GRAMD1B: variants seen among roughly 807,000 people sequenced by gnomAD.
GRAMD1B encodes GRAM domain containing 1B.
A neutral mutation model predicts 99.7 loss-of-function variants in GRAMD1B; 37 were observed. The observed-to-expected ratio is 0.37, with a 90% CI of 0.29 to 0.49. The LOEUF (loss-of-function observed/expected upper bound fraction) is 0.49, where lower values mean the gene tolerates loss of function less well. Ranked by LOEUF, GRAMD1B falls within the 20% of genes least tolerant of loss-of-function variation. GRAMD1B has a pLI of 0.98. For synonymous variants in GRAMD1B, 427 were observed against 387.6 expected, an observed-to-expected ratio of 1.10 and a Z score of -1.19; for missense variants, 888 against 1,009.2, an observed-to-expected ratio of 0.88 and a Z score of 1.63.
chr11:123,431,075 T>G lies in GRAMD1B; in HGVS notation c.283T>G (p.Cys95Gly). The G allele has an allele frequency of 1.4e-6, 1 of 702,988 alleles. No homozygotes were observed. Among genetic ancestry groups the G allele is most frequent in the East Asian group, 2.7e-5 (1 of 37,268 alleles). The allele number at this position is 702,988 out of a possible 1,614,324, so 43.5% of individuals were successfully genotyped here. The change falls in exon 1 of 20, where the codon TGC becomes GGC. Residue 95 changes from cysteine to glycine, a missense_variant. By Grantham distance (159) the Cys-to-Gly change is radical (BLOSUM62 -3). Around this residue, in one of 5 missense-constraint regions of GRAMD1B, gnomAD observed 233 missense variants for 154.6 expected, o/e 1.51. Coordinates refer to ENST00000635736, the MANE Select transcript of GRAMD1B (RefSeq NM_001387025.1). ...CGACGAGGACACCCCGTGGTCCAAC[T>G]GCTCCACACCCAGCGCGTCCCCGCG... ...SSDEDTPWSN[C>G]STPSASPRRK... is the part of the protein sequence containing the mutation.
chr11:123,539,676 C>T (rs1193606036), intron 2 of GRAMD1B, among the ~76,000 whole-genome samples: 5 of 152,206 alleles, frequency 3.3e-5, no homozygotes, highest in East Asian at 1.9e-4. Context: ...ACACCCTGAA[C>T]GGCATGCAGG....
chr11:123,517,104 G>A (rs563594342), intron 2 of GRAMD1B, among the ~76,000 whole-genome samples: 3 of 152,128 alleles, frequency 2.0e-5, no homozygotes, highest in Admixed American at 2.0e-4. Flanking sequence ...GTTTTTAGTG[G>A]AGACGGGGTT....
intron 1 of GRAMD1B, among the ~76,000 whole-genome samples, chr11:123,381,678 T>A (rs1946879694): frequency 6.6e-6 from 1 of 152,248 alleles, no homozygotes; most frequent in South Asian, 2.1e-4. Context: ...TAAGAGGCCA[T>A]GTGTGCACTG....
chr11:123,616,874 G>A (rs1462522619), intron 17 of GRAMD1B, among the ~76,000 whole-genome samples: 1 of 152,234 alleles, frequency 6.6e-6, no homozygotes, highest in African/African-American at 2.4e-5. Flanking sequence ...CAAAGAGGCG[G>A]GTGTTCAGAT....
chr11:123,621,184 T>G (rs1343520567), intron 19 of GRAMD1B, among the ~76,000 whole-genome samples: 1 of 152,172 alleles, frequency 6.6e-6, no homozygotes, highest in African/African-American at 2.4e-5. Flanking sequence ...AGTGGTAGAT[T>G]AAGCAGAGAG....
chr11:123,418,057 G>A (rs937325146), intron 1 of GRAMD1B, among the ~76,000 whole-genome samples: 3 of 152,222 alleles, frequency 2.0e-5, no homozygotes, highest in South Asian at 4.1e-4. Flanking sequence ...GAACCACTAT[G>A]CCCTAACTAT....
chr11:123,609,930 A>G lies in GRAMD1B; in HGVS notation c.1776+17A>G. On this transcript the variant is annotated intron_variant, in intron 13 of 19. Transcript: ENST00000635736. ...GAGACACAGGTGAGCAGAGCCGCGG[A>G]TGCACAGAAGAGCGAGCTGGAAAAT... 2.2e-6 allele frequency: 3 copies of G among 1,362,662 alleles called. No individual in the cohort carries two copies. The highest frequency in any genetic ancestry group is 3.1e-6 in the Non-Finnish European group (3 of 967,642). 84.4% of individuals were successfully genotyped at this position (1,362,662 alleles called of 1,614,324 possible).
intron 1 of GRAMD1B, among the ~76,000 whole-genome samples, chr11:123,436,612 G>C (rs184171484): frequency 4.1e-4 from 63 of 152,328 alleles, no homozygotes; most frequent in African/African-American, 1.4e-3. Flanking sequence ...CACTCTCAAA[G>C]TGTTGCTCGA....
chr11:123,598,619 T>G (rs1447571600), intron 7 of GRAMD1B: 4 of 1,436,340 alleles, frequency 2.8e-6, no homozygotes, highest in Non-Finnish European at 2.9e-6. Context: ...CTCGCTCTTC[T>G]GGGATCCTGC....
In GRAMD1B at chr11:123,597,948, G is replaced by A. The variant is rs1951489647; in HGVS notation, c.969+1911G>A. On this transcript the variant is annotated intron_variant, in intron 7 of 19. Coordinates refer to ENST00000635736, the MANE Select transcript of GRAMD1B (RefSeq NM_001387025.1). ...CTGAGCTACATCCCTGAACACTAGA[G>A]CAGTCCTTGTTTTTTCAGATCCTCA... is the stretch of plus-strand genomic sequence containing the variant. The A allele has an allele frequency of 2.7e-6, 3 of 1,118,330 alleles. No homozygotes were observed. In the African/African-American group the frequency reaches 4.6e-5, roughly 17 times the overall value. The allele number at this position is 1,118,330 out of a possible 1,614,324, so 69.3% of individuals were successfully genotyped here.
rs544523670 is a variant in GRAMD1B at position 123,467,607 on chromosome 11, G to A, written c.375-13209G>A. On this transcript the variant is annotated intron_variant, in intron 1 of 19. Coordinates refer to ENST00000635736, the MANE Select transcript of GRAMD1B (RefSeq NM_001387025.1). ...AGATTCTGGCGGGTTTTGTTACAGT[G>A]GCTTCTTTATGGGGAAGGTCCACAT... 1.3e-4 allele frequency among the ~76,000 whole-genome samples: 19 copies of A among 151,990 alleles called. No individual in the cohort carries two copies. The South Asian group carries it at 4.0e-3, about 32-fold the overall frequency.
chr11:123,376,932 G>T (rs954451039), intron 1 of GRAMD1B, among the ~76,000 whole-genome samples: 3 of 152,148 alleles, frequency 2.0e-5, no homozygotes, highest in African/African-American at 7.2e-5. Flanking sequence ...AAAGTAACAG[G>T]TGTGAAATTA....
At chr11:123,380,792 T>G (rs1946846171) in intron 1 of GRAMD1B, among the ~76,000 whole-genome samples, 1 of 152,196 alleles carries the variant, frequency 6.6e-6, no homozygotes, top group South Asian at 2.1e-4. Flanking sequence ...CACATGCTAG[T>G]GCACCCCCAC....
intron 4 of GRAMD1B, among the ~76,000 whole-genome samples, chr11:123,586,272 T>C (rs1243514100): frequency 6.6e-6 from 1 of 152,182 alleles, no homozygotes; most frequent in Non-Finnish European, 1.5e-5. Flanking sequence ...ACCTGCACCA[T>C]GTCTGTGCAG....
intron 2 of GRAMD1B, among the ~76,000 whole-genome samples, chr11:123,508,945 A>G (rs887771122): frequency 6.6e-6 from 1 of 152,190 alleles, no homozygotes; most frequent in Admixed American, 6.5e-5. Context: ...ACAGCCTCCC[A>G]AAGTGCTGGG....
intron 2 of GRAMD1B, chr11:123,526,298 G>C (rs1942735415): frequency 1.3e-6 from 1 of 783,192 alleles, no homozygotes; most frequent in Non-Finnish European, 2.2e-6. Flanking sequence ...TAAGATGTGG[G>C]GACTAGGCAC....
At chr11:123,571,468 G>A (rs1045587948) in intron 2 of GRAMD1B, among the ~76,000 whole-genome samples, 3 of 152,184 alleles carry the variant, frequency 2.0e-5, no homozygotes, top group Non-Finnish European at 4.4e-5. Context: ...CTAACTATAG[G>A]AGGTAGGATC....
Position 123,462,691 on chromosome 11 carries a change from G to A in GRAMD1B, c.375-18125G>A, listed in dbSNP as rs1278713354. On this transcript the variant is annotated intron_variant, in intron 1 of 19. Transcript: ENST00000635736. ...TCAGATGCTTGAAGGCAGCATGCTC[G>A]TTAAGAGTCATCACCAATCCCTAAT... Among the ~76,000 whole-genome samples the A allele has an allele frequency of 2.6e-5, 4 of 152,144 alleles. No homozygotes were observed. In the East Asian group the frequency reaches 5.8e-4, roughly 22 times the overall value.
intron 2 of GRAMD1B, among the ~76,000 whole-genome samples, chr11:123,502,502 C>T (rs1017713841): frequency 6.6e-6 from 1 of 152,050 alleles, no homozygotes; most frequent in African/African-American, 2.4e-5. Context: ...ATTGAAAATA[C>T]TGTGGCACAT....
Sources: gnomAD v4.1 joint callset for allele counts (sites outside exome capture counted in the v4.1 genomes callset) on GRCh38, gnomAD v4.1.1 for gene constraint, gnomAD v4.1.1 regional missense constraint, MANE v1.5 for transcripts, NCBI Gene and HGNC (gene_info 2026-07-23, HGNC 2026-07-21) for gene names.